Variants in DHRS9 observed in about 807,000 individuals in gnomAD.
DHRS9 encodes the protein dehydrogenase/reductase 9.
A neutral mutation model predicts 26.6 loss-of-function variants in DHRS9; 18 were observed. The ratio of observed to expected loss-of-function variants is 0.68; its 90% CI spans 0.47 to 1.00. The LOEUF (loss-of-function observed/expected upper bound fraction) is 1.00. Among genes scored for constraint, DHRS9 ranks in the 50% least tolerant of loss-of-function variants. The pLI is 0.00. For missense variants in DHRS9, 425 were observed against 378.7 expected (o/e 1.12, Z -1.01); for synonymous variants, 134 against 141.1 (o/e 0.95, Z 0.36).
At position 169,084,601 on chromosome 2, in the gene DHRS9, C is replaced by T. The variant is rs113364831; in HGVS notation, c.572+1014C>T. Among the ~76,000 whole-genome samples, 437 of 152,242 alleles carry T rather than the reference C, an allele frequency of 2.9e-3. 2 individuals carry two copies. The highest frequency in any genetic ancestry group is 0.01 in the African/African-American group (423 of 41,550). On this transcript the variant is annotated intron_variant, in intron 3 of 4. Transcript: ENST00000674881. The stretch of plus-strand genomic sequence containing the variant: ...TTTTCTGATGATCAATGATGTTGAG[C>T]ACCTTTCATATACCTATTTTCCACT...
At chr2:169,083,689 A>C in intron 3 of DHRS9, 102 bp downstream of exon 3, 3 of 1,374,384 alleles carry the variant, frequency 2.2e-6, no homozygotes, top group Non-Finnish European at 2.9e-6. Context: ...AAAGTCTACC[A>C]TATTTATCTC....
intron 1 of DHRS9, chr2:169,070,761 C>G: frequency 1.0e-6 from 1 of 985,380 alleles, no homozygotes; most frequent in Non-Finnish European, 1.2e-6. Context: ...TCTTAAGGGA[C>G]AGTGTTTAAA....
chr2:169,078,456 G>A (rs1352467405), intron 1 of DHRS9, among the ~76,000 whole-genome samples: 1 of 152,110 alleles, frequency 6.6e-6, no homozygotes, highest in African/African-American at 2.4e-5. Flanking sequence ...TTCGCCTTTC[G>A]GTGATTATTT....
chr2:169,089,743 C>A (rs772789789), intron 3 of DHRS9, among the ~76,000 whole-genome samples: 10 of 152,164 alleles, frequency 6.6e-5, no homozygotes, highest in East Asian at 1.9e-4. Flanking sequence ...AATATTGGAA[C>A]AATTCTTCCA....
intron 3 of DHRS9, among the ~76,000 whole-genome samples, chr2:169,089,668 G>T (rs1385568541): frequency 6.6e-6 from 1 of 152,170 alleles, no homozygotes; most frequent in Non-Finnish European, 1.5e-5. Flanking sequence ...AATAAAGATA[G>T]AGCAACTTCA....
At chr2:169,074,037 A>G (rs1424833829) in intron 1 of DHRS9, among the ~76,000 whole-genome samples, 1 of 152,180 alleles carries the variant, frequency 6.6e-6, no homozygotes, top group Non-Finnish European at 1.5e-5. Flanking sequence ...AATGCACAGG[A>G]CTGACCCCAC....
At chr2:169,079,076 A>T (rs1216757521) in intron 1 of DHRS9, among the ~76,000 whole-genome samples, 3 of 152,022 alleles carry the variant, frequency 2.0e-5, no homozygotes, top group Non-Finnish European at 4.4e-5. Context: ...CTCAAACTCC[A>T]GACCTTGTGA....
chr2:169,084,028 C>T (rs1046033624), intron 3 of DHRS9, among the ~76,000 whole-genome samples: 2 of 152,040 alleles, frequency 1.3e-5, no homozygotes, highest in Non-Finnish European at 2.9e-5. Flanking sequence ...TATCTCTCTA[C>T]TTTCTGTCTC....
chr2:169,069,489 G>A, upstream of DHRS9: 2 of 985,344 alleles, frequency 2.0e-6, no homozygotes, highest in Middle Eastern at 5.2e-4. Flanking sequence ...GAGATATTTA[G>A]TCATCACGTT....
intron 1 of DHRS9, among the ~76,000 whole-genome samples, chr2:169,073,481 T>C (rs1683870674): frequency 6.6e-6 from 1 of 152,186 alleles, no homozygotes. Context: ...TTGAGAATCA[T>C]AGATTTGCTA....
At chr2:169,076,595 G>A (rs1439584846) in intron 1 of DHRS9, among the ~76,000 whole-genome samples, 9 of 152,294 alleles carry the variant, frequency 5.9e-5, no homozygotes, top group African/African-American at 1.2e-4. Context: ...CCACTCCACA[G>A]AGTTCATTCC....
chr2:169,077,576 A>C (rs1435962978), intron 1 of DHRS9, among the ~76,000 whole-genome samples: 3 of 152,086 alleles, frequency 2.0e-5, no homozygotes, highest in Non-Finnish European at 4.4e-5. Flanking sequence ...TCCGTAATTG[A>C]AGATTGTGCT....
chr2:169,095,700 C>A lies in DHRS9; in HGVS notation c.893C>A (p.Pro298Gln). The A allele has an allele frequency of 6.2e-7, 1 of 1,613,944 alleles. No individual in the cohort carries two copies. Among genetic ancestry groups the A allele is most frequent in the South Asian group, 1.1e-5 (1 of 91,080 alleles). ...KIFWIPLSHM[P>Q]AALQDFLLLK... ...TTCTGGATACCTCTGTCTCACATGC[C>A]AGCAGCTTTGCAAGACTTTTTATTG... Residue 298 changes from proline (P) to glutamine (Q), a missense_variant, in exon 5 of 5, where the codon CCA (proline) becomes CAA (glutamine). Pro to Gln is a moderately conservative substitution (Grantham distance 76). Transcript: ENST00000674881.
upstream of DHRS9, chr2:169,067,117 G>A: frequency 6.5e-7 from 1 of 1,534,670 alleles, no homozygotes; most frequent in Non-Finnish European, 8.7e-7. Context: ...GTTCCACTGA[G>A]AATGACTTGA....
chr2:169,085,563 T>C (rs1006802350), intron 3 of DHRS9, among the ~76,000 whole-genome samples: 1 of 152,168 alleles, frequency 6.6e-6, no homozygotes, highest in African/African-American at 2.4e-5. Context: ...AGTTAACTCC[T>C]AGGCATTTTA....
intron 3 of DHRS9, among the ~76,000 whole-genome samples, chr2:169,088,284 T>A (rs1471110799): frequency 6.6e-6 from 1 of 152,152 alleles, no homozygotes; most frequent in East Asian, 1.9e-4. Flanking sequence ...TGAGTTCCAA[T>A]GCAAAGTCCC....
chr2:169,080,122 C>G (rs1193202276), intron 1 of DHRS9, among the ~76,000 whole-genome samples: 1 of 152,112 alleles, frequency 6.6e-6, no homozygotes, highest in Non-Finnish European at 1.5e-5. Flanking sequence ...CAGGAACAGC[C>G]ATGATTCCAA....
intron 4 of DHRS9, 90 bp downstream of exon 4, chr2:169,092,043 C>G: frequency 7.4e-7 from 1 of 1,360,316 alleles, no homozygotes. Context: ...TAACAAGGTT[C>G]TGAGTAATAC....
chr2:169,088,407 C>G (rs780238694), intron 3 of DHRS9, among the ~76,000 whole-genome samples: 7 of 152,202 alleles, frequency 4.6e-5, no homozygotes, highest in Non-Finnish European at 8.8e-5. Context: ...GACTGTCTTT[C>G]CTACCCTCTT....
Sources: allele counts gnomAD v4.1 joint callset (sites outside exome capture counted in the v4.1 genomes callset), GRCh38; gene constraint gnomAD v4.1.1; transcripts MANE v1.5; gene names NCBI Gene and HGNC (gene_info 2026-07-23, HGNC 2026-07-21).